Variants in RANBP2 observed in about 807,000 individuals in gnomAD.
RANBP2 encodes the protein E3 SUMO-protein ligase RanBP2.
Under a neutral mutation model 303.6 loss-of-function variants are expected in RANBP2, and 57 were observed. The observed-to-expected ratio is 0.19, with a 90% confidence interval of 0.15 to 0.23. The LOEUF (loss-of-function observed/expected upper bound fraction) is 0.23, where lower values mean the gene tolerates loss of function less well. Among genes scored for constraint, RANBP2 ranks in the 10% least tolerant of loss-of-function variants. The probability of loss-of-function intolerance (pLI) is 1.00; values close to 1 mark genes in which losing one functional copy is unlikely to be tolerated. For synonymous variants in RANBP2, 1,167 were observed against 1,301.5 expected, an observed-to-expected ratio of 0.90 and a Z score of 2.23; for missense variants, 3,138 against 3,780.8, an observed-to-expected ratio of 0.83 and a Z score of 4.46.
chr2:109,341,075 T>G, the RANBP2 span, among the ~76,000 whole-genome samples: 1 of 152,210 alleles, frequency 6.6e-6, no homozygotes, highest in African/African-American at 2.4e-5. Flanking sequence ...TTTCATCCTT[T>G]GTCTTATTTC....
the RANBP2 span, chr2:109,585,885 T>G: frequency 2.1e-6 from 3 of 1,451,662 alleles, no homozygotes; most frequent in Non-Finnish European, 2.9e-6. Flanking sequence ...AAAAACAACT[T>G]TGACTTAAAT....
At chr2:108,872,240 C>T in the RANBP2 span, among the ~76,000 whole-genome samples, 2 of 152,172 alleles carry the variant, frequency 1.3e-5, no homozygotes, top group Non-Finnish European at 2.9e-5. Context: ...CTCCTCCCCC[C>T]ACCATAGCAT....
At chr2:109,626,325 CA>C in the RANBP2 span, among the ~76,000 whole-genome samples, 1 of 151,968 alleles carries the variant, frequency 6.6e-6, no homozygotes, top group African/African-American at 2.4e-5. Flanking sequence ...ACTGAAAATA[CA>C]AAAAATTAGC....
the RANBP2 span, among the ~76,000 whole-genome samples, chr2:109,438,204 G>A: frequency 1.3e-5 from 2 of 152,200 alleles, no homozygotes; most frequent in Admixed American, 6.5e-5. Context: ...ATGGGACAAG[G>A]GGTGGGAGGT....
the RANBP2 span, among the ~76,000 whole-genome samples, chr2:109,403,967 G>A: frequency 1.3e-5 from 2 of 152,176 alleles, no homozygotes; most frequent in Non-Finnish European, 2.9e-5. Flanking sequence ...TGTTGGCTGT[G>A]GTGGCTCTTT....
chr2:109,406,044 T>TCTGGCTGAAGGTGTCCAGGGCGTGCAG, the RANBP2 span, among the ~76,000 whole-genome samples: 6 of 152,180 alleles, frequency 3.9e-5, no homozygotes, highest in African/African-American at 1.4e-4. Context: ...GCTGCGGGGC[T>TCTGGCTGAAGGTGTCCAGGGCGTGCAG]CTGGCTGAAG....
the RANBP2 span, among the ~76,000 whole-genome samples, chr2:108,838,169 G>T: frequency 6.6e-6 from 1 of 152,108 alleles, no homozygotes; most frequent in Admixed American, 6.5e-5. Flanking sequence ...CAGATAGAAG[G>T]GGTCTGGCTC....
the RANBP2 span, among the ~76,000 whole-genome samples, chr2:109,640,023 T>G: frequency 7.7e-4 from 117 of 151,870 alleles, 4 homozygotes; most frequent in South Asian, 0.014. Flanking sequence ...AATACTAGAT[T>G]AAGGTCAGAA....
intron 6 of RANBP2, among the ~76,000 whole-genome samples, chr2:108,736,859 C>G (rs995643114): frequency 6.6e-5 from 10 of 151,958 alleles, no homozygotes; most frequent in African/African-American, 2.4e-4. Flanking sequence ...AAATATGGCC[C>G]CTGCCTAATT....
At chr2:109,076,061 T>C in the RANBP2 span, among the ~76,000 whole-genome samples, 1 of 150,680 alleles carries the variant, frequency 6.6e-6, no homozygotes, top group East Asian at 1.9e-4. Context: ...GCAAAGCGAA[T>C]TCATTAGCAC....
Position 108,746,208 on chromosome 2 carries a change from C to CTTTT in RANBP2, c.976-484_976-481dup, listed in dbSNP as rs35544546. On this transcript the variant is annotated intron_variant, in intron 7 of 28. Transcript: ENST00000283195. Reference sequence around the variant, plus strand: ...CAGGTGTGAGCCACCATGTCTGGCCCTTTTTTTTTTTTTTTTTTTTTTGCG... The same window carrying CTTTT: ...CAGGTGTGAGCCACCATGTCTGGCCCTTTTTTTTTTTTTTTTTTTTTTTTTTGCG... Among the ~76,000 whole-genome samples the CTTTT allele has an allele frequency of 4.5e-3, 410 of 90,578 alleles. 22 individuals carry two copies. Among genetic ancestry groups the CTTTT allele is most frequent in the African/African-American group, 0.02 (376 of 18,602 alleles). The allele number at this position is 90,578 out of a possible 152,430, so 59.4% of individuals were successfully genotyped here.
the RANBP2 span, among the ~76,000 whole-genome samples, chr2:108,927,001 G>C: frequency 6.6e-6 from 1 of 152,366 alleles, no homozygotes; most frequent in African/African-American, 2.4e-5. Context: ...AGTAGAGGGG[G>C]CAGCATGAGC....
chr2:109,544,342 CT>C, the RANBP2 span: 37 of 1,579,128 alleles, frequency 2.3e-5, no homozygotes, highest in Middle Eastern at 1.7e-4. Flanking sequence ...GAAAAAGAAC[CT>C]TTTGATTGGT....
At chr2:109,193,109 A>T in the RANBP2 span, among the ~76,000 whole-genome samples, 5 of 152,214 alleles carry the variant, frequency 3.3e-5, no homozygotes, top group Non-Finnish European at 7.3e-5. Flanking sequence ...ATGAAGGAAC[A>T]TTCTTAACTC....
At chr2:108,830,874 A>C in the RANBP2 span, among the ~76,000 whole-genome samples, 466 of 150,988 alleles carry the variant, frequency 3.1e-3, 4 homozygotes, top group African/African-American at 0.011. Context: ...TCATTGTGAC[A>C]TTTTGGCCAG....
At chr2:109,559,275 C>T in the RANBP2 span, among the ~76,000 whole-genome samples, 1 of 152,298 alleles carries the variant, frequency 6.6e-6, no homozygotes, top group Non-Finnish European at 1.5e-5. Context: ...ATCATTTAAT[C>T]ACATATGACA....
the RANBP2 span, among the ~76,000 whole-genome samples, chr2:109,383,991 G>T: frequency 4.6e-5 from 7 of 152,138 alleles, no homozygotes; most frequent in African/African-American, 9.7e-5. Flanking sequence ...TTCAGGGCTG[G>T]CCCCTCACAA....
At chr2:108,867,501 A>G in the RANBP2 span, among the ~76,000 whole-genome samples, 1 of 152,216 alleles carries the variant, frequency 6.6e-6, no homozygotes, top group Admixed American at 6.5e-5. Flanking sequence ...CCCTGCTCCA[A>G]GAGTGTCTTT....
chr2:108,829,423 A>G, the RANBP2 span, among the ~76,000 whole-genome samples: 1 of 152,242 alleles, frequency 6.6e-6, no homozygotes, highest in Non-Finnish European at 1.5e-5. Flanking sequence ...ACAAAACCAC[A>G]GTAAGATACC....
Sources: gnomAD v4.1 joint callset for allele counts (sites outside exome capture counted in the v4.1 genomes callset) on GRCh38, gnomAD v4.1.1 for gene constraint, MANE v1.5 for transcripts, NCBI Gene and HGNC (gene_info 2026-07-23, HGNC 2026-07-21) for gene names.